The following USP48 variants were observed in gnomAD, a reference collection of about 807,000 sequenced individuals.
USP48 encodes the protein ubiquitin specific peptidase 48.
Under a neutral mutation model 150.7 loss-of-function variants are expected in USP48, and 43 were observed. The ratio of observed to expected loss-of-function variants is 0.29; its 90% CI spans 0.22 to 0.37. The LOEUF is 0.37. USP48 is among the 10% of genes least tolerant of loss of function. The probability of loss-of-function intolerance (pLI) is 1.00; values close to 1 mark genes in which losing one functional copy is unlikely to be tolerated. For missense variants in USP48, 813 were observed against 1,249.6 expected (o/e 0.65, Z 5.27); for synonymous variants, 396 against 425.9 (o/e 0.93, Z 0.86).
chr1:21,718,993 G>C (rs1026870473), intron 14 of USP48, among the ~76,000 whole-genome samples: 1 of 152,090 alleles, frequency 6.6e-6, no homozygotes, highest in African/African-American at 2.4e-5. Flanking sequence ...TCAGCTGGGT[G>C]CAGTAGCTCA....
In USP48 at chr1:21,782,864, A is replaced by G. The variant is rs1386345516; in HGVS notation, c.94T>C (p.Tyr32His). ...ATGCAGGGCTCCAGCCAGATGCGGT[A>G]AGCGGTCTCGATGTGCTCCTGCGAC... The part of the protein sequence containing the change: ...EVSQEHIETA[Y>H]RIWLEPCIRG... Residue 32 changes from tyrosine (Y) to histidine (H), a missense_variant, in exon 1 of 27, where the codon TAC becomes CAC. Physicochemically the swap from Tyr to His is moderately conservative, Grantham distance 83. Transcript: ENST00000308271. 6.4e-7 allele frequency: 1 copy of G among 1,560,882 alleles called. No homozygotes were observed.
intron 22 of USP48, among the ~76,000 whole-genome samples, chr1:21,698,522 T>G (rs2097644630): frequency 6.6e-6 from 1 of 152,164 alleles, no homozygotes; most frequent in Admixed American, 6.5e-5. Flanking sequence ...TTCTAAAATC[T>G]AAATCACTTG....
At chr1:21,694,158 C>T (rs771236572) in intron 23 of USP48, among the ~76,000 whole-genome samples, 2 of 152,130 alleles carry the variant, frequency 1.3e-5, no homozygotes, top group Non-Finnish European at 2.9e-5. Context: ...TTTCATAATG[C>T]CTGCACTACA....
intron 22 of USP48, 30 bp downstream of exon 22, chr1:21,701,468 A>G (rs1159455781): frequency 3.8e-6 from 6 of 1,593,006 alleles, no homozygotes; most frequent in African/African-American, 1.3e-5. Flanking sequence ...AGCAGAAAGT[A>G]TAACAATGAA....
chr1:21,692,579 C>A (rs1233806405), intron 23 of USP48, among the ~76,000 whole-genome samples: 2 of 152,178 alleles, frequency 1.3e-5, no homozygotes, highest in Admixed American at 1.3e-4. Flanking sequence ...TGAGAACGGA[C>A]AAGGGCACTG....
chr1:21,742,501 G>A (rs71636987), intron 8 of USP48, among the ~76,000 whole-genome samples: 7,613 of 149,136 alleles, frequency 0.051, 243 homozygotes, highest in Middle Eastern at 0.059. Context: ...CCAAGATCGC[G>A]GCACTGCACT....
chr1:21,723,839 C>A, intron 12 of USP48, 59 bp downstream of exon 12: 1 of 1,462,178 alleles, frequency 6.8e-7, no homozygotes, highest in South Asian at 1.2e-5. Flanking sequence ...TCATAAAGAC[C>A]ATAAGATGAA....
intron 1 of USP48, among the ~76,000 whole-genome samples, chr1:21,781,117 G>GA (rs926767936): frequency 1.3e-3 from 185 of 138,622 alleles, no homozygotes; most frequent in South Asian, 8.0e-3. Flanking sequence ...ACGCTGTCTC[G>GA]AAAAAAAAAA....
intron 8 of USP48, 38 bp from the exon 9 acceptor site, chr1:21,736,663 A>T (rs779080520): frequency 7.2e-7 from 1 of 1,379,546 alleles, no homozygotes; most frequent in Admixed American, 2.8e-5. Flanking sequence ...AACGTTGGAT[A>T]ACAGTTATTT....
At chr1:21,708,527 A>G (rs1159783201) in intron 15 of USP48, among the ~76,000 whole-genome samples, 2 of 152,020 alleles carry the variant, frequency 1.3e-5, no homozygotes, top group Non-Finnish European at 2.9e-5. Context: ...CAAACAAACA[A>G]ACAAACCCAG....
chr1:21,701,943 C>T (rs1262738963), intron 21 of USP48, among the ~76,000 whole-genome samples: 2 of 152,114 alleles, frequency 1.3e-5, no homozygotes, highest in South Asian at 4.1e-4. Context: ...ACACTGATTG[C>T]CAAGCCTTTT....
At chr1:21,688,533 TA>T (rs1425299718) in intron 24 of USP48, among the ~76,000 whole-genome samples, 1 of 151,364 alleles carries the variant, frequency 6.6e-6, no homozygotes, top group African/African-American at 2.4e-5. Flanking sequence ...TAGGGGCTTC[TA>T]AGACACTGTC....
chr1:21,681,584 A>G (rs2097566042), intron 25 of USP48, among the ~76,000 whole-genome samples: 1 of 152,110 alleles, frequency 6.6e-6, no homozygotes, highest in Non-Finnish European at 1.5e-5. Context: ...TTAGATAAAA[A>G]TCTAATAAAT....
At chr1:21,691,068 A>G (rs1274609718) in intron 23 of USP48, among the ~76,000 whole-genome samples, 2 of 152,214 alleles carry the variant, frequency 1.3e-5, no homozygotes, top group East Asian at 1.9e-4. Context: ...TAATCCCAAC[A>G]CTTTGGGAGG....
Position 21,742,330 on chromosome 1 carries a change from G to A in USP48, c.991+4737C>T, listed in dbSNP as rs150838806. ...AGGCTGAGACAGGTGGATCACCTGA[G>A]GTCAGGAGTTCGAGACCAGCCTGGC... On this transcript the variant is annotated intron_variant, in intron 8 of 26. Coordinates refer to ENST00000308271, the MANE Select transcript of USP48 (RefSeq NM_032236.8). 9.2e-3 allele frequency among the ~76,000 whole-genome samples: 1,396 copies of A among 152,184 alleles called. 8 individuals are homozygous for A. Among genetic ancestry groups the A allele is most frequent in the Non-Finnish European group, 0.013 (893 of 68,002 alleles).
intron 10 of USP48, 50 bp from the exon 11 acceptor site, chr1:21,728,769 T>A (rs559890792): frequency 6.3e-7 from 1 of 1,592,194 alleles, no homozygotes; most frequent in Non-Finnish European, 8.6e-7. Context: ...TTTTCACATA[T>A]AGTGAACCAT....
intron 2 of USP48, 83 bp downstream of exon 2, chr1:21,757,580 T>G: frequency 6.7e-7 from 1 of 1,482,974 alleles, no homozygotes; most frequent in Non-Finnish European, 9.1e-7. Context: ...ATCAGTAGAG[T>G]TTTCTGATCA....
At position 21,695,346 on chromosome 1, in the gene USP48, G is replaced by T. The variant is rs149036565; in HGVS notation, c.2728-125C>A. 9.7e-3 allele frequency: 10,077 copies of T among 1,033,948 alleles called. 72 individuals are homozygous for T. Among genetic ancestry groups the T allele is most frequent in the African/African-American group, 0.022 (1,366 of 60,878 alleles). 64.0% of individuals were successfully genotyped at this position (1,033,948 alleles called of 1,614,324 possible). A position where few individuals can be genotyped will look rare whatever the true frequency, so the allele number is the denominator to read the frequency against. The stretch of plus-strand genomic sequence containing the variant: ...GTCCCTTAACTATTTGAAATTCAAT[G>T]TAAACAATGAGTAGAAACTAACGAG... On this transcript the variant is annotated intron_variant, in intron 22 of 26. Transcript: ENST00000308271.
intron 14 of USP48, 28 bp downstream of exon 14, chr1:21,721,008 T>C (rs1346275953): frequency 1.3e-6 from 2 of 1,570,884 alleles, no homozygotes; most frequent in Non-Finnish European, 1.7e-6. Flanking sequence ...AGTTTCACAA[T>C]GATCTACACA....
Sources: gnomAD v4.1 joint callset for allele counts (sites outside exome capture counted in the v4.1 genomes callset) on GRCh38, gnomAD v4.1.1 for gene constraint, MANE v1.5 for transcripts, NCBI Gene and HGNC (gene_info 2026-07-23, HGNC 2026-07-21) for gene names.